CNTNAP5: variants seen among roughly 807,000 people sequenced by gnomAD.
CNTNAP5 encodes contactin associated protein family member 5.
CNTNAP5 carries 72 observed loss-of-function variants against 150.2 expected under a neutral mutation model. The ratio of observed to expected loss-of-function variants is 0.48; its 90% CI spans 0.40 to 0.58. The LOEUF (loss-of-function observed/expected upper bound fraction) is 0.58, where lower values mean the gene tolerates loss of function less well. CNTNAP5 is among the 20% of genes least tolerant of loss of function. The pLI is 0.00. For missense variants in CNTNAP5, 1,636 were observed against 1,626.2 expected, an observed-to-expected ratio of 1.01 and a Z score of -0.10; for synonymous variants, 672 against 619.8, an observed-to-expected ratio of 1.08 and a Z score of -1.25.
At chr2:124,343,891 G>A (rs1689676466) in intron 3 of CNTNAP5, among the ~76,000 whole-genome samples, 1 of 152,188 alleles carries the variant, frequency 6.6e-6, no homozygotes, top group Non-Finnish European at 1.5e-5. Flanking sequence ...ATCGTAACAT[G>A]GTAGAGAATG....
chr2:124,806,905 C>A (rs934209483), intron 19 of CNTNAP5, among the ~76,000 whole-genome samples: 2 of 123,418 alleles, frequency 1.6e-5, no homozygotes, highest in Admixed American at 9.6e-5. Flanking sequence ...ACTGAACTAC[C>A]TTTATTTTAC....
At chr2:124,381,366 G>A (rs1009401309) in intron 3 of CNTNAP5, among the ~76,000 whole-genome samples, 3 of 152,152 alleles carry the variant, frequency 2.0e-5, no homozygotes, top group Admixed American at 6.5e-5. Flanking sequence ...AACAAGTGCA[G>A]GAGTGACACC....
intron 7 of CNTNAP5, among the ~76,000 whole-genome samples, chr2:124,501,808 C>T (rs542785111): frequency 1.8e-4 from 27 of 152,284 alleles, no homozygotes; most frequent in East Asian, 5.8e-4. Context: ...CCAACACTCA[C>T]GTGAGCCCAG....
At chr2:124,805,844 A>G (rs1427584528) in intron 19 of CNTNAP5, among the ~76,000 whole-genome samples, 3 of 152,146 alleles carry the variant, frequency 2.0e-5, no homozygotes, top group Non-Finnish European at 4.4e-5. Context: ...TTCCTCGTGA[A>G]TGAGGAGAAA....
intron 1 of CNTNAP5, among the ~76,000 whole-genome samples, chr2:124,159,140 C>T (rs1173744238): frequency 6.6e-6 from 1 of 152,168 alleles, no homozygotes; most frequent in Non-Finnish European, 1.5e-5. Flanking sequence ...CATTGTGTGT[C>T]TCTTGGGATA....
intron 5 of CNTNAP5, among the ~76,000 whole-genome samples, chr2:124,437,057 G>A (rs531556838): frequency 7.2e-5 from 11 of 152,284 alleles, no homozygotes; most frequent in African/African-American, 1.9e-4. Context: ...GCAAAGGGGA[G>A]TGGTAATAGC....
rs1678860687 is a variant in CNTNAP5 at position 124,921,024 on chromosome 2, C to A, written c.*6736C>A. On this transcript the variant is annotated 3_prime_UTR_variant, in exon 24 of 24. Transcript: ENST00000682447. ...GATTTTTGTTCCTAAAATAAAATCC[C>A]AAGTGATGTTGCCTCATTCCAAGTC... 6.6e-6 allele frequency among the ~76,000 whole-genome samples: 1 copy of A among 152,048 alleles called. No homozygotes were observed. Among genetic ancestry groups the A allele is most frequent in the East Asian group, 1.9e-4 (1 of 5,172 alleles).
At chr2:124,400,236 T>C (rs1406576092) in intron 3 of CNTNAP5, among the ~76,000 whole-genome samples, 2 of 151,992 alleles carry the variant, frequency 1.3e-5, no homozygotes, top group African/African-American at 4.8e-5. Context: ...GCTTAGAGTG[T>C]CATCGCAGGG....
chr2:124,794,222 C>T (rs1015000969), intron 18 of CNTNAP5, among the ~76,000 whole-genome samples: 1 of 152,194 alleles, frequency 6.6e-6, no homozygotes, highest in African/African-American at 2.4e-5. Context: ...GGAGCTCTGG[C>T]ACCACCCCTG....
At chr2:124,750,784 G>A (rs566198733) in intron 14 of CNTNAP5, among the ~76,000 whole-genome samples, 1 of 151,990 alleles carries the variant, frequency 6.6e-6, no homozygotes, top group African/African-American at 2.4e-5. Context: ...AGGAGCTCGA[G>A]ACCAACCTGG....
intron 13 of CNTNAP5, among the ~76,000 whole-genome samples, chr2:124,707,123 AAAG>A (rs138452597): frequency 1.4e-5 from 1 of 73,116 alleles, no homozygotes; most frequent in East Asian, 4.5e-4. Context: ...GAAGAAGAAG[AAAG>A]AAGAAGAAGA....
intron 12 of CNTNAP5, among the ~76,000 whole-genome samples, chr2:124,636,456 G>T (rs904302978): frequency 1.3e-5 from 2 of 151,930 alleles, no homozygotes; most frequent in African/African-American, 4.8e-5. Flanking sequence ...AACTTTTTTT[G>T]TGTGCATAAC....
At chr2:124,500,508 A>G (rs953272149) in intron 7 of CNTNAP5, among the ~76,000 whole-genome samples, 2 of 152,156 alleles carry the variant, frequency 1.3e-5, no homozygotes, top group Admixed American at 1.3e-4. Flanking sequence ...TTGAAGGCAG[A>G]CAAGTGTGAT....
intron 19 of CNTNAP5, among the ~76,000 whole-genome samples, chr2:124,833,508 A>C (rs1682763243): frequency 6.6e-6 from 1 of 152,168 alleles, no homozygotes. Context: ...AGCTGTTTAG[A>C]AAGTTAAAGT....
chr2:124,340,333 A>G (rs1309831095), intron 3 of CNTNAP5, among the ~76,000 whole-genome samples: 2 of 152,220 alleles, frequency 1.3e-5, no homozygotes, highest in Non-Finnish European at 2.9e-5. Flanking sequence ...TGCACTGGAA[A>G]CATACAAAGG....
At chr2:124,535,510 T>A (rs1695209484) in intron 10 of CNTNAP5, among the ~76,000 whole-genome samples, 1 of 149,452 alleles carries the variant, frequency 6.7e-6, no homozygotes, top group African/African-American at 2.5e-5. Context: ...ACGCCTGTAA[T>A]CCCAGCACTT....
intron 16 of CNTNAP5, among the ~76,000 whole-genome samples, chr2:124,764,691 A>G (rs1558766533): frequency 6.6e-6 from 1 of 152,202 alleles, no homozygotes; most frequent in Non-Finnish European, 1.5e-5. Flanking sequence ...TGCATATCCT[A>G]CATATAAACT....
chr2:124,841,026 G>A (rs540975886), intron 19 of CNTNAP5, among the ~76,000 whole-genome samples: 2 of 152,186 alleles, frequency 1.3e-5, no homozygotes, highest in South Asian at 2.1e-4. Context: ...GAGATGCTGA[G>A]GATGTGTTGT....
At chr2:124,261,402 A>G (rs1687451720) in intron 3 of CNTNAP5, among the ~76,000 whole-genome samples, 1 of 152,180 alleles carries the variant, frequency 6.6e-6, no homozygotes, top group Admixed American at 6.6e-5. Context: ...TTATTTTATA[A>G]GCTTTTTATT....
Sources: allele counts gnomAD v4.1 joint callset (sites outside exome capture counted in the v4.1 genomes callset), GRCh38; gene constraint gnomAD v4.1.1; transcripts MANE v1.5; gene names NCBI Gene and HGNC (gene_info 2026-07-23, HGNC 2026-07-21).